The following USP22 variants were observed in gnomAD, a reference collection of about 807,000 sequenced individuals.
USP22 encodes ubiquitin specific peptidase 22.
In USP22, 22 loss-of-function variants were observed where a neutral mutation model predicts 68.1. The ratio of observed to expected loss-of-function variants is 0.32; its 90% CI spans 0.23 to 0.46. The LOEUF is 0.46. Ranked by LOEUF, USP22 falls within the 20% of genes least tolerant of loss-of-function variation. The pLI is 1.00. For missense variants in USP22, 433 were observed against 695.8 expected, an observed-to-expected ratio of 0.62 and a Z score of 4.25; for synonymous variants, 279 against 274.2, an observed-to-expected ratio of 1.02 and a Z score of -0.17.
chr17:21,036,525 G>GT (rs368535828), intron 1 of USP22, among the ~76,000 whole-genome samples: 1 of 142,832 alleles, frequency 7.0e-6, no homozygotes, highest in Non-Finnish European at 1.5e-5. Flanking sequence ...CTGTAAGGGG[G>GT]GGGGGGGTCA....
In USP22 at chr17:21,008,187, T is replaced by C. The variant is rs554785649; in HGVS notation, c.1104-191A>G. 1.6e-3 allele frequency among the ~76,000 whole-genome samples: 245 copies of C among 152,316 alleles called. No individual in the cohort carries two copies. In the Middle Eastern group the frequency reaches 0.017, roughly 11 times the overall value. On this transcript the variant is annotated intron_variant, in intron 8 of 12. Transcript: ENST00000261497. ...TTGCTGCCTGTCTCTACAGAATATT[T>C]ATCTTAAATATTTTTTTTCCAGGAA...
intron 1 of USP22, among the ~76,000 whole-genome samples, chr17:21,037,885 G>A (rs1182567127): frequency 6.6e-6 from 1 of 152,188 alleles, no homozygotes. Context: ...TCTGCAAGAA[G>A]TTACCCTTAG....
intron 1 of USP22, among the ~76,000 whole-genome samples, chr17:21,041,957 C>T (rs1410818996): frequency 6.6e-6 from 1 of 152,136 alleles, no homozygotes; most frequent in Non-Finnish European, 1.5e-5. Flanking sequence ...CACAGGCTCG[C>T]CCCGGCCCCA....
intron 8 of USP22, among the ~76,000 whole-genome samples, chr17:21,010,097 G>A (rs1041906760): frequency 5.3e-5 from 8 of 152,098 alleles, no homozygotes; most frequent in African/African-American, 1.7e-4. Flanking sequence ...CCAGGAGATC[G>A]AGGTTGCAGT....
In USP22 at chr17:21,000,801, G is replaced by A. The variant is rs780047692; in HGVS notation, c.*2230C>T. On this transcript the variant is annotated 3_prime_UTR_variant, in exon 13 of 13. Coordinates refer to ENST00000261497, the MANE Select transcript of USP22 (RefSeq NM_015276.2). Reference sequence around the variant, plus strand: ...TCATAGGCCAGGTGCGGTGGCTCACGCCTATAATCCCAGCACTTTGGGACG... The same window carrying A: ...TCATAGGCCAGGTGCGGTGGCTCACACCTATAATCCCAGCACTTTGGGACG... The A allele has an allele frequency of 6.6e-6, 1 of 152,352 alleles. No individual in the cohort carries two copies. The highest frequency in any genetic ancestry group is 1.9e-4 in the East Asian group (1 of 5,192). The allele number at this position is 152,352 out of a possible 1,614,324, so 9.4% of individuals were successfully genotyped here.
chr17:21,004,876 C>T, intron 11 of USP22, 52 bp downstream of exon 11: 1 of 1,605,020 alleles, frequency 6.2e-7, no homozygotes, highest in South Asian at 1.1e-5. Flanking sequence ...GGAGCCCACC[C>T]CCAGCTCTTG....
At chr17:21,003,117 A>C (rs202084261) in intron 12 of USP22, 44 bp from the exon 13 acceptor site, 1 of 1,611,134 alleles carries the variant, frequency 6.2e-7, no homozygotes, top group East Asian at 2.2e-5. Context: ...CTAACTCCTA[A>C]GACAGGAGCC....
intron 5 of USP22, among the ~76,000 whole-genome samples, chr17:21,016,840 G>A (rs1214024058): frequency 6.6e-6 from 1 of 152,158 alleles, no homozygotes; most frequent in African/African-American, 2.4e-5. Flanking sequence ...TTGAGTAGCA[G>A]CAGTTACACA....
chr17:21,005,791 C>A (rs1244697003), intron 10 of USP22, among the ~76,000 whole-genome samples: 1 of 152,230 alleles, frequency 6.6e-6, no homozygotes, highest in Non-Finnish European at 1.5e-5. Context: ...ACAACATCCA[C>A]GTCTCAACCC....
intron 8 of USP22, among the ~76,000 whole-genome samples, chr17:21,008,792 T>C (rs908441260): frequency 7.9e-5 from 12 of 152,000 alleles, no homozygotes; most frequent in African/African-American, 2.2e-4. Flanking sequence ...CAGTTTAATG[T>C]AGAGAGGTGA....
chr17:21,003,273 G>A, intron 12 of USP22, among the ~76,000 whole-genome samples, 200 bp from the exon 13 acceptor site: 1 of 151,966 alleles, frequency 6.6e-6, no homozygotes, highest in African/African-American at 2.4e-5. Flanking sequence ...CATCTCTGCA[G>A]CCCGACCACC....
At position 21,024,342 on chromosome 17, in the gene USP22, T is replaced by A. The variant is rs148080298; in HGVS notation, c.305-3116A>T. Among the ~76,000 whole-genome samples, 23 of 152,282 alleles carry A rather than the reference T, an allele frequency of 1.5e-4. No homozygotes were observed. In the East Asian group the frequency reaches 4.2e-3, roughly 28 times the overall value. On this transcript the variant is annotated intron_variant, in intron 2 of 12. Coordinates refer to ENST00000261497, the MANE Select transcript of USP22 (RefSeq NM_015276.2). ...GAAGACGGATCACCATTCCAGTGCC[T>A]ATGTAAATCCTTCTAGATTTAGGCC...
intron 1 of USP22, 80 bp downstream of exon 1, chr17:21,042,585 G>GA: frequency 2.4e-6 from 3 of 1,246,216 alleles, no homozygotes; most frequent in Non-Finnish European, 3.0e-6. Context: ...GAAGAGGGCA[G>GA]GAAAAGGGCC....
chr17:21,023,375 C>T (rs1355793483), intron 2 of USP22, among the ~76,000 whole-genome samples: 1 of 151,922 alleles, frequency 6.6e-6, no homozygotes, highest in South Asian at 2.1e-4. Flanking sequence ...GAGAGAAACC[C>T]GGCGTGGTGG....
At chr17:21,007,823 A>G (rs1229509507) in intron 9 of USP22, 47 bp downstream of exon 9, 1 of 1,613,274 alleles carries the variant, frequency 6.2e-7, no homozygotes, top group Non-Finnish European at 8.5e-7. Flanking sequence ...CGTACTGTGG[A>G]CTAAAAACTA....
chr17:21,007,472 C>T (rs755050319), intron 9 of USP22, among the ~76,000 whole-genome samples: 3 of 152,108 alleles, frequency 2.0e-5, no homozygotes, highest in Non-Finnish European at 4.4e-5. Flanking sequence ...CTGTGGAGCT[C>T]GACATCTTCA....
At chr17:21,005,226 TC>T (rs1331579486) in intron 10 of USP22, 2 of 537,194 alleles carry the variant, frequency 3.7e-6, no homozygotes, top group African/African-American at 3.8e-5. Context: ...GGCCCCTGGT[TC>T]TTCCAAGGTG....
At chr17:21,008,035 T>C (rs374312737) in intron 8 of USP22, 39 bp from the exon 9 acceptor site, 3 of 1,593,970 alleles carry the variant, frequency 1.9e-6, no homozygotes, top group Non-Finnish European at 2.6e-6. Flanking sequence ...GTAAGGGAGA[T>C]GCAAGAGACA....
At chr17:21,015,983 G>A in intron 5 of USP22, 84 bp from the exon 6 acceptor site, 6 of 1,463,328 alleles carry the variant, frequency 4.1e-6, no homozygotes, top group Non-Finnish European at 5.5e-6. Flanking sequence ...ACCTTTATCA[G>A]ATGCCTACCA....
Sources: gnomAD v4.1 joint callset for allele counts (sites outside exome capture counted in the v4.1 genomes callset) on GRCh38, gnomAD v4.1.1 for gene constraint, MANE v1.5 for transcripts, NCBI Gene and HGNC (gene_info 2026-07-23, HGNC 2026-07-21) for gene names.